Variants in ANKRD36 observed in about 807,000 individuals in gnomAD.
The protein encoded by ANKRD36 is ankyrin repeat domain-containing protein 36A.
ANKRD36 carries 179 observed loss-of-function variants against 278.1 expected under a neutral mutation model. The observed-to-expected ratio is 0.64, with a 90% CI of 0.57 to 0.73. The LOEUF (loss-of-function observed/expected upper bound fraction) is 0.73. ANKRD36 is among the 30% of genes least tolerant of loss of function. The pLI is 0.00. For missense variants in ANKRD36, 1,159 were observed against 1,956.7 expected, an observed-to-expected ratio of 0.59 and a Z score of 7.69; for synonymous variants, 320 against 641.1, an observed-to-expected ratio of 0.50 and a Z score of 7.57.
At chr2:97,177,766 G>A (rs2054759668) in intron 22 of ANKRD36, among the ~76,000 whole-genome samples, 1 of 151,766 alleles carries the variant, frequency 6.6e-6, no homozygotes, top group Admixed American at 6.6e-5. Flanking sequence ...CATAGGCATG[G>A]GCAAGGACTT....
intron 52 of ANKRD36, among the ~76,000 whole-genome samples, chr2:97,206,697 A>G (rs1279420812): frequency 6.6e-6 from 1 of 151,432 alleles, no homozygotes; most frequent in Admixed American, 6.6e-5. Context: ...GGAATATTTT[A>G]ATAAAAAGTA....
At chr2:97,233,429 G>A (rs1347840577) in intron 67 of ANKRD36, among the ~76,000 whole-genome samples, 18 of 151,110 alleles carry the variant, frequency 1.2e-4, no homozygotes, top group South Asian at 4.3e-4. Flanking sequence ...TAAATAGATT[G>A]TTTTTGCAAT....
At chr2:97,182,077 T>G (rs2056384899) in intron 26 of ANKRD36, among the ~76,000 whole-genome samples, 1 of 151,310 alleles carries the variant, frequency 6.6e-6, no homozygotes, top group African/African-American at 2.4e-5. Context: ...TTCTACAGCA[T>G]GTTTTCACCA....
intron 30 of ANKRD36, among the ~76,000 whole-genome samples, chr2:97,186,354 T>C (rs1473246218): frequency 6.6e-6 from 1 of 150,766 alleles, no homozygotes; most frequent in Non-Finnish European, 1.5e-5. Context: ...TAAAAACAAA[T>C]ATAATGTTGA....
intron 34 of ANKRD36, 124 bp from the exon 35 acceptor site, chr2:97,190,851 TAGA>T (rs2058362902): frequency 7.2e-7 from 1 of 1,394,584 alleles, no homozygotes; most frequent in South Asian, 1.3e-5. Context: ...AGAGACAAAG[TAGA>T]AGACATCAGA....
At chr2:97,150,006 T>G (rs71429341) in intron 12 of ANKRD36, among the ~76,000 whole-genome samples, 2 of 151,668 alleles carry the variant, frequency 1.3e-5, no homozygotes, top group Non-Finnish European at 2.9e-5. Context: ...GAGCCCAGGA[T>G]TTTAAGACCA....
intron 5 of ANKRD36, among the ~76,000 whole-genome samples, chr2:97,125,563 G>C (rs1023323632): frequency 6.6e-6 from 1 of 150,848 alleles, no homozygotes; most frequent in Non-Finnish European, 1.5e-5. Context: ...AGAGATCACA[G>C]TGTTCTTCTT....
Position 97,192,966 on chromosome 2 carries a change from T to A in ANKRD36, c.2377-15T>A, listed in dbSNP as rs189293208. 8 of 1,584,666 alleles carry A rather than the reference T, an allele frequency of 5.0e-6. No individual in the cohort carries two copies. The highest frequency in any genetic ancestry group is 1.8e-5 in the Admixed American group (1 of 56,408). ...TACTTTATTAATTTATTATTTCATT[T>A]GAAATTCCATTCAGGCTACAAGTGA... On this transcript the variant is annotated splice_polypyrimidine_tract_variant and intron_variant, in intron 37 of 75. Coordinates refer to ENST00000420699, the MANE Select transcript of ANKRD36 (RefSeq NM_001354587.1).
chr2:97,193,465 C>G (rs988516543), intron 38 of ANKRD36, among the ~76,000 whole-genome samples: 1 of 121,162 alleles, frequency 8.3e-6, no homozygotes, highest in African/African-American at 2.6e-5. Context: ...TGTAGGAGAA[C>G]TAAGGAGACC....
At chr2:97,207,721 G>A (rs1267303855) in intron 52 of ANKRD36, 90 bp from the exon 53 acceptor site, 3 of 1,529,338 alleles carry the variant, frequency 2.0e-6, no homozygotes, top group Non-Finnish European at 2.7e-6. Flanking sequence ...ACAGGCAGGA[G>A]GACAGAGGTT....
rs189540273 is a variant in ANKRD36 at position 97,202,332 on chromosome 2, C to G, written c.2898C>G (p.Asp966Glu). The G allele has an allele frequency of 1.3e-6, 2 of 1,570,776 alleles. No homozygotes were observed. The highest frequency in any genetic ancestry group is 3.8e-5 in the Admixed American group (2 of 53,104). The part of the protein sequence containing the change: ...QKPPALKGTS[D>E]EEDSVLGIAR... ...TAAATTCCATTCAGGGTACAAGTGA[C>G]GAGGAAGATTCTGTTTTGGGTATAG... Residue 966 changes from aspartate to glutamate, a missense_variant, in exon 48 of 76, where the codon GAC (aspartate) becomes GAG (glutamate). Asp to Glu is a conservative substitution (Grantham distance 45). Coordinates refer to ENST00000420699, the MANE Select transcript of ANKRD36 (RefSeq NM_001354587.1).
intron 22 of ANKRD36, among the ~76,000 whole-genome samples, chr2:97,174,081 A>T (rs2153525335): frequency 6.6e-6 from 1 of 151,388 alleles, no homozygotes; most frequent in African/African-American, 2.4e-5. Flanking sequence ...TTGGTTATTT[A>T]TAAGAAAAGA....
intron 24 of ANKRD36, among the ~76,000 whole-genome samples, chr2:97,180,346 C>T (rs796760157): frequency 1.3e-5 from 2 of 151,482 alleles, no homozygotes; most frequent in East Asian, 1.9e-4. Flanking sequence ...CACTGTAGAA[C>T]GAGAGCTAAG....
chr2:97,227,870 C>CT (rs1319146942), intron 67 of ANKRD36, among the ~76,000 whole-genome samples: 1 of 152,100 alleles, frequency 6.6e-6, no homozygotes, highest in South Asian at 2.1e-4. Flanking sequence ...TGTCAAAGGC[C>CT]TTTTCTGCAT....
intron 46 of ANKRD36, among the ~76,000 whole-genome samples, chr2:97,201,658 A>G (rs1445159861): frequency 6.6e-6 from 1 of 151,948 alleles, no homozygotes; most frequent in East Asian, 1.9e-4. Context: ...AGGTATCAGC[A>G]AAGAGGTATC....
Position 97,223,098 on chromosome 2 carries a change from C to CTTTTTTT in ANKRD36, c.3878-1694_3878-1688dup, listed in dbSNP as rs58708702. ...TTACATATTGAAAGCTTATTATACA[C>CTTTTTTT]TTTTTTTTTTTTTTTTTTTTGAGAC... is the stretch of plus-strand genomic sequence containing the variant. On this transcript the variant is annotated intron_variant, in intron 66 of 75. Coordinates refer to ENST00000420699, the MANE Select transcript of ANKRD36 (RefSeq NM_001354587.1). Among the ~76,000 whole-genome samples the CTTTTTTT allele has an allele frequency of 3.5e-4, 44 of 123,984 alleles. 1 individual carries two copies. Among genetic ancestry groups the CTTTTTTT allele is most frequent in the African/African-American group, 1.3e-3 (41 of 30,632 alleles). 81.3% of individuals were successfully genotyped at this position (123,984 alleles called of 152,430 possible).
At chr2:97,207,326 C>T (rs189123189) in intron 52 of ANKRD36, among the ~76,000 whole-genome samples, 451 of 151,404 alleles carry the variant, frequency 3.0e-3, no homozygotes, top group African/African-American at 0.011. Flanking sequence ...GTGAAGTGTA[C>T]GTTCAACTGA....
intron 56 of ANKRD36, among the ~76,000 whole-genome samples, chr2:97,211,125 A>G (rs1558821839): frequency 6.6e-6 from 1 of 151,858 alleles, no homozygotes; most frequent in African/African-American, 2.4e-5. Flanking sequence ...AAAGAGCATG[A>G]TGAATGTTTG....
At chr2:97,225,839 T>C (rs1181394290) in intron 67 of ANKRD36, among the ~76,000 whole-genome samples, 9 of 148,014 alleles carry the variant, frequency 6.1e-5, no homozygotes, top group African/African-American at 2.2e-4. Context: ...CCTGTTCTCA[T>C]TGTTCAATTC....
Sources: gnomAD v4.1 joint callset for allele counts (sites outside exome capture counted in the v4.1 genomes callset) on GRCh38, gnomAD v4.1.1 for gene constraint, MANE v1.5 for transcripts, NCBI Gene and HGNC (gene_info 2026-07-23, HGNC 2026-07-21) for gene names.